The following TRABD2A variants were observed in gnomAD, a reference collection of about 807,000 sequenced individuals.
The protein encoded by TRABD2A is TraB domain containing 2A.
In TRABD2A, 43 loss-of-function variants were observed where a neutral mutation model predicts 45.6. The ratio of observed to expected loss-of-function variants is 0.94; its 90% CI spans 0.74 to 1.22. The LOEUF is 1.22. TRABD2A is among the 50% of genes most tolerant of loss of function. The probability of loss-of-function intolerance (pLI) is 0.00; values close to 1 mark genes in which losing one functional copy is unlikely to be tolerated. For synonymous variants in TRABD2A, 269 were observed against 265.0 expected, an observed-to-expected ratio of 1.02 and a Z score of -0.15; for missense variants, 642 against 652.4, an observed-to-expected ratio of 0.98 and a Z score of 0.17.
At chr2:84,823,709 C>A (rs1476045280) in intron 6 of TRABD2A, among the ~76,000 whole-genome samples, 1 of 152,184 alleles carries the variant, frequency 6.6e-6, no homozygotes, top group African/African-American at 2.4e-5. Context: ...ACAGACTCAT[C>A]CTACCCCGAA....
At chr2:84,838,032 A>AC in intron 4 of TRABD2A, 1 of 548,748 alleles carries the variant, frequency 1.8e-6, no homozygotes. Context: ...GGCTATTCAC[A>AC]CAGAGCAAGC....
chr2:84,868,628 C>T (rs568658086), intron 2 of TRABD2A, among the ~76,000 whole-genome samples: 1 of 152,160 alleles, frequency 6.6e-6, no homozygotes, highest in South Asian at 2.1e-4. Flanking sequence ...ATGTAACAAA[C>T]CTGCACGTTG....
intron 6 of TRABD2A, among the ~76,000 whole-genome samples, chr2:84,823,707 A>G (rs1681060209): frequency 6.6e-6 from 1 of 152,192 alleles, no homozygotes; most frequent in Non-Finnish European, 1.5e-5. Context: ...TAACAGACTC[A>G]TCCTACCCCG....
intron 1 of TRABD2A, among the ~76,000 whole-genome samples, chr2:84,878,399 C>T (rs1355138633): frequency 1.3e-5 from 2 of 152,066 alleles, no homozygotes; most frequent in African/African-American, 2.4e-5. Flanking sequence ...GTGGTGGGCG[C>T]CTGTAATCCC....
intron 2 of TRABD2A, among the ~76,000 whole-genome samples, chr2:84,845,259 G>A (rs369003527): frequency 3.9e-4 from 60 of 152,320 alleles, no homozygotes; most frequent in East Asian, 9.6e-4. Context: ...GCTGAAGCAC[G>A]AGAATCGCTT....
chr2:84,835,835 G>C (rs956417112), intron 4 of TRABD2A: 1 of 152,176 alleles, frequency 6.6e-6, no homozygotes, highest in East Asian at 1.9e-4. Context: ...CTTTTAAAAA[G>C]CATGAATCCA....
At chr2:84,878,447 C>T (rs772438214) in intron 1 of TRABD2A, among the ~76,000 whole-genome samples, 18 of 151,818 alleles carry the variant, frequency 1.2e-4, no homozygotes, top group Non-Finnish European at 2.6e-4. Context: ...ATCACTTGAA[C>T]CCTGGAGGCA....
intron 4 of TRABD2A, chr2:84,832,712 A>G (rs1681379036): frequency 6.5e-6 from 1 of 152,936 alleles, no homozygotes; most frequent in Non-Finnish European, 1.5e-5. Flanking sequence ...AGGCAGGAGA[A>G]TCACTTGAAC....
chr2:84,849,497 T>C (rs1682011928), intron 2 of TRABD2A: 1 of 152,244 alleles, frequency 6.6e-6, no homozygotes, highest in Non-Finnish European at 1.5e-5. Context: ...CCATGCTGAG[T>C]AATTGCTGCA....
Position 84,842,093 on chromosome 2 carries a change from T to A in TRABD2A, c.670-86A>T, listed in dbSNP as rs1368380402. On this transcript the variant is annotated intron_variant, in intron 2 of 6. Transcript: ENST00000409520. ...CTTTTGTCCATGGCTGGAAATACCT[T>A]CACCTTTGTGCTCGTTATGTAAGGA... is the stretch of plus-strand genomic sequence containing the variant. 110 of 1,369,778 alleles carry A rather than the reference T, an allele frequency of 8.0e-5. No individual in the cohort carries two copies. In the Admixed American group the frequency reaches 1.9e-3, roughly 23 times the overall value. 84.9% of individuals were successfully genotyped at this position (1,369,778 alleles called of 1,614,324 possible). A position where few individuals can be genotyped will look rare whatever the true frequency, so the allele number is the denominator to read the frequency against.
At chr2:84,855,979 G>A (rs1038672062) in intron 2 of TRABD2A, among the ~76,000 whole-genome samples, 4 of 152,112 alleles carry the variant, frequency 2.6e-5, no homozygotes, top group Non-Finnish European at 4.4e-5. Context: ...CGCCCATTAC[G>A]CGGCTCACAG....
At chr2:84,856,707 C>A (rs937455561) in intron 2 of TRABD2A, among the ~76,000 whole-genome samples, 5 of 152,120 alleles carry the variant, frequency 3.3e-5, no homozygotes, top group Non-Finnish European at 7.3e-5. Context: ...CTCCTGGACA[C>A]CCCCGAAGTC....
chr2:84,868,225 G>T (rs1301665450), intron 2 of TRABD2A, among the ~76,000 whole-genome samples: 1 of 152,116 alleles, frequency 6.6e-6, no homozygotes, highest in Non-Finnish European at 1.5e-5. Flanking sequence ...AGAAAATGGG[G>T]CACATATACG....
At chr2:84,862,125 A>C (rs2105400560) in intron 2 of TRABD2A, among the ~76,000 whole-genome samples, 1 of 152,284 alleles carries the variant, frequency 6.6e-6, no homozygotes, top group South Asian at 2.1e-4. Flanking sequence ...GCCATGGAGC[A>C]CCTTGACCCC....
chr2:84,821,948 A>T lies in TRABD2A; in HGVS notation c.1487T>A (p.Leu496Gln), dbSNP rs1301005675. Residue 496 changes from leucine to glutamine, a missense_variant, in exon 7 of 7, where the codon CTG becomes CAG. By Grantham distance (113) the Leu-to-Gln change is moderately radical. Transcript: ENST00000409520. ...GAGGGGTGTCTCTGTTTGGAAAGCCAGCACCAGCACCCAGAACACAGGAGT... is the reference window on the plus strand; with the variant it reads ...GAGGGGTGTCTCTGTTTGGAAAGCCTGCACCAGCACCCAGAACACAGGAGT... ...LWTPVFWVLV[L>Q]AFQTETPLL 1.2e-6 allele frequency: 2 copies of T among 1,604,092 alleles called. No individual in the cohort carries two copies. Among genetic ancestry groups the T allele is most frequent in the Non-Finnish European group, 1.7e-6 (2 of 1,175,234 alleles).
At chr2:84,843,467 T>C (rs967843249) in intron 2 of TRABD2A, 1 of 152,222 alleles carries the variant, frequency 6.6e-6, no homozygotes, top group Non-Finnish European at 1.5e-5. Flanking sequence ...TGGGCCAAGG[T>C]GGCACAGGCC....
intron 2 of TRABD2A, among the ~76,000 whole-genome samples, chr2:84,849,865 A>C (rs945300075): frequency 2.0e-5 from 3 of 152,150 alleles, no homozygotes; most frequent in Admixed American, 1.3e-4. Context: ...GCCAGAAGGG[A>C]TGTGGGCTGT....
chr2:84,876,468 C>A (rs79522434), intron 1 of TRABD2A, among the ~76,000 whole-genome samples: 1 of 152,234 alleles, frequency 6.6e-6, no homozygotes, highest in African/African-American at 2.4e-5. Context: ...AGTAAGCAAG[C>A]GGGTTAAATG....
intron 3 of TRABD2A, among the ~76,000 whole-genome samples, chr2:84,840,676 T>C (rs1681679943): frequency 6.6e-6 from 1 of 152,172 alleles, no homozygotes; most frequent in Non-Finnish European, 1.5e-5. Context: ...CAAATGTCAA[T>C]TTCCCAATTG....
Sources: gnomAD v4.1 joint callset for allele counts (sites outside exome capture counted in the v4.1 genomes callset) on GRCh38, gnomAD v4.1.1 for gene constraint, MANE v1.5 for transcripts, NCBI Gene and HGNC (gene_info 2026-07-23, HGNC 2026-07-21) for gene names.